The following GIPC2 variants were observed in gnomAD, a reference collection of about 807,000 sequenced individuals.
GIPC2 encodes the protein PDZ domain-containing protein GIPC2.
A neutral mutation model predicts 30.6 loss-of-function variants in GIPC2; 30 were observed. The ratio of observed to expected loss-of-function variants is 0.98; its 90% CI spans 0.73 to 1.33. The LOEUF is 1.33. Ranked by LOEUF, GIPC2 falls within the 40% of genes most tolerant of loss-of-function variation. The probability of loss-of-function intolerance (pLI) is 0.00; values close to 1 mark genes in which losing one functional copy is unlikely to be tolerated. For synonymous variants in GIPC2, 167 were observed against 150.0 expected, an observed-to-expected ratio of 1.11 and a Z score of -0.83; for missense variants, 414 against 390.3, an observed-to-expected ratio of 1.06 and a Z score of -0.51.
rs867550953 is a variant in GIPC2, at chr1:78,135,951, C to T, written c.*208C>T. 23 of 426,568 alleles carry T rather than the reference C, an allele frequency of 5.4e-5. No individual in the cohort carries two copies. Among genetic ancestry groups the T allele is most frequent in the Non-Finnish European group, 9.4e-5 (23 of 245,736 alleles). 26.4% of individuals were successfully genotyped at this position (426,568 alleles called of 1,614,324 possible). A position where few individuals can be genotyped will look rare whatever the true frequency, so the allele number is the denominator to read the frequency against. ...ATGTAGTATGCTTAAGAGAAATGAC[C>T]TAAATAAGGATCAATTGTAATATTC... On this transcript the variant is annotated 3_prime_UTR_variant, in exon 6 of 6. Transcript: ENST00000370759.
rs550061611 is a variant in GIPC2, at chr1:78,103,723, G to T, written c.607+8591G>T. Among the ~76,000 whole-genome samples, 3 of 152,330 alleles carry T rather than the reference G, an allele frequency of 2.0e-5. No individual in the cohort carries two copies. The East Asian group carries it at 5.8e-4, about 29-fold the overall frequency. On this transcript the variant is annotated intron_variant, in intron 3 of 5. Coordinates refer to ENST00000370759, the MANE Select transcript of GIPC2 (RefSeq NM_017655.6). ...CTATAGTGCAGATTTAAAGAGTGAA[G>T]TTTATCTGAGCGCTGACTTGTCCAT...
Position 78,137,733 on chromosome 1 carries a change from C to A in GIPC2, c.*1990C>A, listed in dbSNP as rs2100465680. 7.1e-6 allele frequency: 1 copy of A among 140,874 alleles called. No homozygotes were observed. The allele number at this position is 140,874 out of a possible 1,614,324, so 8.7% of individuals were successfully genotyped here. A position where few individuals can be genotyped will look rare whatever the true frequency, so the allele number is the denominator to read the frequency against. On this transcript the variant is annotated 3_prime_UTR_variant, in exon 6 of 6. Transcript: ENST00000370759. ...AGGTTTTTCCTTGAAATATCCTTATCTTTCACCTCTACAGCTAAACTGATA... is the reference window on the plus strand; with the variant it reads ...AGGTTTTTCCTTGAAATATCCTTATATTTCACCTCTACAGCTAAACTGATA...
At chr1:78,076,237 GA>G (rs1282862770) in intron 1 of GIPC2, among the ~76,000 whole-genome samples, 2 of 152,230 alleles carry the variant, frequency 1.3e-5, no homozygotes, top group African/African-American at 4.8e-5. Context: ...AAATTAGGGG[GA>G]AAGGGAATAG....
At chr1:78,131,879 C>T (rs1370550998) in intron 5 of GIPC2, among the ~76,000 whole-genome samples, 2 of 152,194 alleles carry the variant, frequency 1.3e-5, no homozygotes, top group East Asian at 3.8e-4. Flanking sequence ...ATGTATAGAG[C>T]ACTGTATTAC....
intron 1 of GIPC2, among the ~76,000 whole-genome samples, chr1:78,065,976 G>A (rs183688489): frequency 4.9e-4 from 74 of 152,262 alleles, no homozygotes; most frequent in African/African-American, 1.2e-3. Context: ...TCTGGACATA[G>A]GAATGGGCAA....
chr1:78,064,466 G>T (rs562801314), intron 1 of GIPC2, among the ~76,000 whole-genome samples: 123 of 152,088 alleles, frequency 8.1e-4, no homozygotes, highest in Non-Finnish European at 1.5e-3. Context: ...TTCCTTAGAG[G>T]CCAGTATTGG....
intron 1 of GIPC2, among the ~76,000 whole-genome samples, chr1:78,056,796 A>G (rs1661306481): frequency 1.3e-5 from 2 of 152,226 alleles, no homozygotes; most frequent in East Asian, 3.9e-4. Context: ...CTTTCATGGT[A>G]ATGAATCCCA....
At chr1:78,064,039 A>T (rs941417886) in intron 1 of GIPC2, among the ~76,000 whole-genome samples, 1 of 152,236 alleles carries the variant, frequency 6.6e-6, no homozygotes, top group Admixed American at 6.5e-5. Flanking sequence ...GAGCAGACTG[A>T]TATAAATGTT....
At chr1:78,060,013 G>T (rs1001205728) in intron 1 of GIPC2, among the ~76,000 whole-genome samples, 2 of 152,134 alleles carry the variant, frequency 1.3e-5, no homozygotes, top group African/African-American at 4.8e-5. Flanking sequence ...TTTTTTAGAA[G>T]CTGAAGCATA....
chr1:78,120,340 T>C (rs1251159321), intron 4 of GIPC2, among the ~76,000 whole-genome samples: 2 of 152,210 alleles, frequency 1.3e-5, no homozygotes, highest in African/African-American at 2.4e-5. Context: ...CTCTCAGTAC[T>C]GCTGTTGTCT....
intron 2 of GIPC2, among the ~76,000 whole-genome samples, chr1:78,082,369 A>C (rs1661847083): frequency 6.6e-6 from 1 of 152,200 alleles, no homozygotes. Context: ...AATCTTAGGG[A>C]AGTTATCTTC....
intron 4 of GIPC2, among the ~76,000 whole-genome samples, chr1:78,124,834 C>A (rs1349506625): frequency 6.6e-6 from 1 of 151,984 alleles, no homozygotes; most frequent in Non-Finnish European, 1.5e-5. Flanking sequence ...GGTGAAACCC[C>A]GTCTCTACTA....
chr1:78,109,461 T>A (rs1459708747), intron 3 of GIPC2, among the ~76,000 whole-genome samples: 1 of 152,226 alleles, frequency 6.6e-6, no homozygotes, highest in Non-Finnish European at 1.5e-5. Context: ...TGGACCTGCC[T>A]GGCCTTTTAT....
intron 4 of GIPC2, among the ~76,000 whole-genome samples, chr1:78,124,475 A>G (rs1024915696): frequency 2.6e-5 from 4 of 152,220 alleles, no homozygotes; most frequent in Non-Finnish European, 4.4e-5. Context: ...GAAAAGTTTT[A>G]CTATTGGGAT....
chr1:78,072,706 G>A (rs991189706), intron 1 of GIPC2, among the ~76,000 whole-genome samples: 1 of 152,134 alleles, frequency 6.6e-6, no homozygotes, highest in Non-Finnish European at 1.5e-5. Flanking sequence ...GAACAACCCA[G>A]ATAAAACCTT....
At chr1:78,049,433 C>A (rs1391650484) in intron 1 of GIPC2, among the ~76,000 whole-genome samples, 1 of 152,114 alleles carries the variant, frequency 6.6e-6, no homozygotes, top group Non-Finnish European at 1.5e-5. Context: ...AGTGCGTGAA[C>A]CACCACGCCC....
chr1:78,099,684 C>T (rs1662203742), intron 3 of GIPC2, among the ~76,000 whole-genome samples: 3 of 151,986 alleles, frequency 2.0e-5, no homozygotes, highest in Admixed American at 2.0e-4. Flanking sequence ...GTGATCTGCC[C>T]ACCTCGGCCT....
At chr1:78,063,284 G>GC (rs1280473804) in intron 1 of GIPC2, among the ~76,000 whole-genome samples, 2 of 151,814 alleles carry the variant, frequency 1.3e-5, no homozygotes, top group East Asian at 3.9e-4. Context: ...CAGGGGTCAG[G>GC]AGTTCGCGAC....
rs1436189137 is a variant in GIPC2, at chr1:78,128,402, AC to A, written c.796+2441del. ...TCCATGCTGTGGTCTGGAGTGAATC[AC>A]AGACACAGGGCCTAGGAAAAGATCT... is the stretch of plus-strand genomic sequence containing the variant. On this transcript the variant is annotated intron_variant, in intron 5 of 5. Transcript: ENST00000370759. 3.3e-5 allele frequency among the ~76,000 whole-genome samples: 5 copies of A among 152,222 alleles called. No homozygotes were observed. In the East Asian group the frequency reaches 9.6e-4, roughly 29 times the overall value.
Sources: gnomAD v4.1 joint callset for allele counts (sites outside exome capture counted in the v4.1 genomes callset) on GRCh38, gnomAD v4.1.1 for gene constraint, MANE v1.5 for transcripts, NCBI Gene and HGNC (gene_info 2026-07-23, HGNC 2026-07-21) for gene names.